Variants in GLB1L2 observed in about 807,000 individuals in gnomAD.
GLB1L2 encodes the protein galactosidase beta 1 like 2.
Under a neutral mutation model 84.1 loss-of-function variants are expected in GLB1L2, and 68 were observed. The ratio of observed to expected loss-of-function variants is 0.81; its 90% confidence interval spans 0.67 to 0.99. GLB1L2 has a LOEUF of 0.99. Ranked by LOEUF, GLB1L2 falls within the 50% of genes least tolerant of loss-of-function variation. GLB1L2 has a pLI of 0.00. For synonymous variants in GLB1L2, 290 were observed against 318.0 expected (o/e 0.91, Z 0.94); for missense variants, 762 against 805.6 (o/e 0.95, Z 0.66).
intron 2 of GLB1L2, among the ~76,000 whole-genome samples, chr11:134,343,755 G>A (rs1427430381): frequency 2.0e-5 from 3 of 152,326 alleles, no homozygotes; most frequent in East Asian, 1.9e-4. Flanking sequence ...CAGCACCGAC[G>A]ACACTTGCTG....
intron 5 of GLB1L2, among the ~76,000 whole-genome samples, chr11:134,353,405 G>C (rs1943659873): frequency 6.6e-6 from 1 of 151,516 alleles, no homozygotes; most frequent in East Asian, 1.9e-4. Flanking sequence ...GCAAGACTCT[G>C]TTTTTTTTTA....
chr11:134,367,786 G>A (rs1159784279), intron 9 of GLB1L2, among the ~76,000 whole-genome samples: 2 of 152,202 alleles, frequency 1.3e-5, no homozygotes, highest in African/African-American at 4.8e-5. Context: ...ACAGCTTTCT[G>A]TATGACCAAA....
At chr11:134,373,446 T>A (rs1168981412) in intron 15 of GLB1L2, among the ~76,000 whole-genome samples, 1 of 152,170 alleles carries the variant, frequency 6.6e-6, no homozygotes, top group Non-Finnish European at 1.5e-5. Context: ...CAGAGGTTGT[T>A]CTCGCCCTGT....
intron 1 of GLB1L2, among the ~76,000 whole-genome samples, chr11:134,336,040 C>T (rs1337291183): frequency 3.9e-5 from 6 of 152,168 alleles, no homozygotes; most frequent in Admixed American, 3.9e-4. Flanking sequence ...AAAGAGTTCT[C>T]ATGTGTGGAT....
At position 134,367,192 on chromosome 11, in the gene GLB1L2, T is replaced by C. The variant is rs768096200; in HGVS notation, c.805-65T>C. The C allele has an allele frequency of 8.2e-5, 110 of 1,337,302 alleles. No individual in the cohort carries two copies. In the Middle Eastern group the frequency reaches 2.6e-3, roughly 31 times the overall value. 82.8% of individuals were successfully genotyped at this position (1,337,302 alleles called of 1,614,324 possible). A position where few individuals can be genotyped will look rare whatever the true frequency, so the allele number is the denominator to read the frequency against. On this transcript the variant is annotated intron_variant, in intron 8 of 18. Coordinates refer to ENST00000535456, the MANE Select transcript of GLB1L2 (RefSeq NM_001370461.1). ...GCAGAGATCCTGGGGCTCCCCTCCA[T>C]GAAGAGCTTCCCTCTTTTTTGTCTG...
At chr11:134,365,856 C>T (rs543178943) in intron 8 of GLB1L2, among the ~76,000 whole-genome samples, 1 of 152,322 alleles carries the variant, frequency 6.6e-6, no homozygotes, top group Non-Finnish European at 1.5e-5. Context: ...TGTCCGATAG[C>T]ACCTCACTCG....
At chr11:134,362,207 G>A (rs1210194729) in intron 7 of GLB1L2, among the ~76,000 whole-genome samples, 5 of 151,958 alleles carry the variant, frequency 3.3e-5, no homozygotes, top group African/African-American at 4.8e-5. Context: ...CCTGGGTCAC[G>A]TTTTTCTTGA....
At chr11:134,349,632 A>G (rs1200441550) in intron 5 of GLB1L2, among the ~76,000 whole-genome samples, 1 of 152,216 alleles carries the variant, frequency 6.6e-6, no homozygotes, top group Non-Finnish European at 1.5e-5. Flanking sequence ...GGGGAGAGCC[A>G]TCAGTGGGTG....
At chr11:134,346,288 C>A (rs72653410) in intron 4 of GLB1L2, 9,990 of 152,926 alleles carry the variant, frequency 0.065, 529 homozygotes, top group East Asian at 0.29. Flanking sequence ...GCAGCCTCTC[C>A]CATCCCTGTG....
Position 134,353,912 on chromosome 11 carries a change from C to T in GLB1L2, c.559-2389C>T, listed in dbSNP as rs144540089. Among the ~76,000 whole-genome samples the T allele has an allele frequency of 2.9e-3, 449 of 152,254 alleles. 4 individuals are homozygous for T. Among genetic ancestry groups the T allele is most frequent in the African/African-American group, 0.01 (428 of 41,560 alleles). On this transcript the variant is annotated intron_variant, in intron 5 of 18. Coordinates refer to ENST00000535456, the MANE Select transcript of GLB1L2 (RefSeq NM_001370461.1). ...CTTTTTCCAGCCTTTCACTTCCAAC[C>T]AATAAATATCCTTAGATCTGAAGTG...
chr11:134,348,956 T>C (rs1175361254), intron 5 of GLB1L2, among the ~76,000 whole-genome samples: 1 of 152,180 alleles, frequency 6.6e-6, no homozygotes, highest in African/African-American at 2.4e-5. Context: ...TCATAACTAA[T>C]CACCACCCAA....
chr11:134,362,138 T>G (rs1418810985), intron 7 of GLB1L2, among the ~76,000 whole-genome samples: 1 of 152,230 alleles, frequency 6.6e-6, no homozygotes, highest in Non-Finnish European at 1.5e-5. Context: ...CTCTGTGCCT[T>G]TCAGCTCTTC....
chr11:134,344,412 C>G lies in GLB1L2; in HGVS notation c.310C>G (p.Pro104Ala). Residue 104 changes from proline to alanine, a missense_variant, in exon 3 of 19, where the codon CCA becomes GCA. Physicochemically the swap from Pro to Ala is conservative, Grantham distance 27. This residue lies in a region of GLB1L2 where 59 missense variants were observed against 105.1 expected (regional missense o/e 0.56). Coordinates refer to ENST00000535456, the MANE Select transcript of GLB1L2 (RefSeq NM_001370461.1). ...TTYVPWNLHEPERGKFDFSGN... is the reference protein window; with the variant it reads ...TTYVPWNLHEAERGKFDFSGN... ...CTATGTTCCGTGGAACCTGCATGAG[C>G]CAGAAAGAGGCAAATTTGACTTCTC... 6.2e-7 allele frequency: 1 copy of G among 1,613,314 alleles called. No homozygotes were observed. Among genetic ancestry groups the G allele is most frequent in the East Asian group, 2.2e-5 (1 of 44,894 alleles).
Position 134,364,508 on chromosome 11 carries a change from G to A in GLB1L2, c.804+110G>A, listed in dbSNP as rs1943839490. ...CCCAGCGCAGGGAGCTGGACTCAGG[G>A]CTGATGGCCTCTGGCCCCCCGCCCA... On this transcript the variant is annotated intron_variant, in intron 8 of 18. Coordinates refer to ENST00000535456, the MANE Select transcript of GLB1L2 (RefSeq NM_001370461.1). The A allele has an allele frequency of 9.1e-6, 8 of 882,086 alleles. No homozygotes were observed. The South Asian group carries it at 1.1e-4, about 12-fold the overall frequency. The allele number at this position is 882,086 out of a possible 1,614,324, so 54.6% of individuals were successfully genotyped here. A position where few individuals can be genotyped will look rare whatever the true frequency, so the allele number is the denominator to read the frequency against.
intron 10 of GLB1L2, 36 bp downstream of exon 10, chr11:134,368,817 C>T (rs765052401): frequency 6.2e-7 from 1 of 1,609,708 alleles, no homozygotes; most frequent in Non-Finnish European, 8.5e-7. Flanking sequence ...CCTGGTCTGC[C>T]CTGCATGGGC....
Position 134,370,887 on chromosome 11 carries a change from T to G in GLB1L2, c.1216-121T>G. 9.0e-7 allele frequency: 1 copy of G among 1,115,104 alleles called. No homozygotes were observed. Among genetic ancestry groups the G allele is most frequent in the East Asian group, 2.3e-5 (1 of 42,556 alleles). The allele number at this position is 1,115,104 out of a possible 1,614,324, so 69.1% of individuals were successfully genotyped here. On this transcript the variant is annotated intron_variant, in intron 12 of 18. Coordinates refer to ENST00000535456, the MANE Select transcript of GLB1L2 (RefSeq NM_001370461.1). This position sits in a 1 kb window ranked among gnomAD's most constrained non-coding sequence, Gnocchi z 4.7. ...GTTGTATGTTTAGTGCAATGAGAAG[T>G]CAAAGTAGAAAACACCCACCAAACC...
chr11:134,374,339 G>T, intron 17 of GLB1L2, 83 bp downstream of exon 17: 2 of 1,158,958 alleles, frequency 1.7e-6, no homozygotes, highest in Non-Finnish European at 2.6e-6. Context: ...CGAGCTTGGC[G>T]AGAGTCGTTG....
intron 16 of GLB1L2, 63 bp downstream of exon 16, chr11:134,373,871 G>T: frequency 1.2e-5 from 15 of 1,200,398 alleles, no homozygotes; most frequent in African/African-American, 3.0e-5. Flanking sequence ...GTGGGGCCCA[G>T]GGGTCCCTGG....
intron 5 of GLB1L2, among the ~76,000 whole-genome samples, chr11:134,349,848 C>T (rs1490234603): frequency 6.6e-6 from 1 of 152,104 alleles, no homozygotes; most frequent in East Asian, 1.9e-4. Flanking sequence ...CAGGACCTGC[C>T]AGGACTGGGT....
Sources: allele counts gnomAD v4.1 joint callset (sites outside exome capture counted in the v4.1 genomes callset), GRCh38; gene constraint gnomAD v4.1.1; regional missense constraint gnomAD v4.1.1; non-coding constraint Gnocchi (gnomAD v3.1); transcripts MANE v1.5; gene names NCBI Gene and HGNC (gene_info 2026-07-23, HGNC 2026-07-21).